Variants in IFT81 observed in about 807,000 individuals in gnomAD.
IFT81 encodes the protein intraflagellar transport 81, also known as intraflagellar transport protein 81 homolog.
In IFT81, 72 loss-of-function variants were observed where a neutral mutation model predicts 102.6. The ratio of observed to expected loss-of-function variants is 0.70; its 90% CI spans 0.58 to 0.85. IFT81 has a LOEUF of 0.85. Among genes scored for constraint, IFT81 ranks in the 40% least tolerant of loss-of-function variants. The pLI is 0.00. For synonymous variants in IFT81, 237 were observed against 242.7 expected (o/e 0.98, Z 0.22); for missense variants, 723 against 787.3 (o/e 0.92, Z 0.98).
chr12:110,211,580 A>T (rs1327264465), intron 18 of IFT81, among the ~76,000 whole-genome samples: 2 of 151,872 alleles, frequency 1.3e-5, no homozygotes, highest in East Asian at 3.9e-4. Context: ...AACATACCAT[A>T]TTCCTCCGAC....
chr12:110,185,225 G>C (rs1303645411), intron 12 of IFT81, among the ~76,000 whole-genome samples: 1 of 151,714 alleles, frequency 6.6e-6, no homozygotes, highest in African/African-American at 2.4e-5. Context: ...TCTCTCTGTT[G>C]CCCAAGCTGG....
At chr12:110,211,611 C>G (rs1869448564) in intron 18 of IFT81, among the ~76,000 whole-genome samples, 2 of 151,746 alleles carry the variant, frequency 1.3e-5, no homozygotes, top group Admixed American at 1.3e-4. Context: ...GAAATAAACC[C>G]CTGTAACTGA....
At chr12:110,207,515 CTCT>C (rs1191114833) in intron 17 of IFT81, among the ~76,000 whole-genome samples, 2 of 149,802 alleles carry the variant, frequency 1.3e-5, no homozygotes, top group Non-Finnish European at 3.0e-5. Context: ...CAAAAACAGT[CTCT>C]TCTTTGTTCT....
chr12:110,144,035 G>T, intron 9 of IFT81, among the ~76,000 whole-genome samples: 1 of 119,556 alleles, frequency 8.4e-6, no homozygotes, highest in South Asian at 2.6e-4. Flanking sequence ...TTTTGAGACA[G>T]TACTTGCTCT....
chr12:110,124,971 A>G (rs1425102679), intron 1 of IFT81, 110 bp downstream of exon 1: 1 of 152,238 alleles, frequency 6.6e-6, no homozygotes, highest in Admixed American at 6.5e-5. Flanking sequence ...CTTCCTGTTC[A>G]GTACATCTTT....
At chr12:110,207,034 A>ATT (rs776646818) in intron 17 of IFT81, among the ~76,000 whole-genome samples, 14 of 146,596 alleles carry the variant, frequency 9.6e-5, no homozygotes, top group Non-Finnish European at 9.1e-5. Context: ...TTCTAGCCAG[A>ATT]TTTTTTTTTT....
In IFT81 at chr12:110,127,431, T is replaced by A. The variant is rs776524418; in HGVS notation, c.51T>A (p.Phe17Leu). Residue 17 changes from phenylalanine (F) to leucine (L), a missense_variant, in exon 2 of 19, where the codon TTT (phenylalanine) becomes TTA (leucine). Physicochemically the swap from Phe to Leu is conservative, Grantham distance 22. Transcript: ENST00000242591. ...FIMDSLNKEP[F>L]RKNYNLITFD... The stretch of plus-strand genomic sequence containing the variant: ...TGGACAGTCTCAATAAGGAGCCCTT[T>A]AGGAAGAACTATAATTTAATCACGT... The A allele has an allele frequency of 6.2e-7, 1 of 1,607,128 alleles. No individual in the cohort carries two copies. Among genetic ancestry groups the A allele is most frequent in the Non-Finnish European group, 8.5e-7 (1 of 1,176,940 alleles).
chr12:110,197,874 G>T (rs1489062138), intron 14 of IFT81, among the ~76,000 whole-genome samples: 1 of 151,722 alleles, frequency 6.6e-6, no homozygotes, highest in Non-Finnish European at 1.5e-5. Flanking sequence ...CACCACACCC[G>T]GCTAATTTTG....
chr12:110,172,755 C>T (rs1896804212), intron 11 of IFT81, among the ~76,000 whole-genome samples: 1 of 152,294 alleles, frequency 6.6e-6, no homozygotes, highest in South Asian at 2.1e-4. Flanking sequence ...ACCCCCCAGC[C>T]GCCTGCCTTG....
At chr12:110,161,838 A>G (rs528951540) in intron 10 of IFT81, among the ~76,000 whole-genome samples, 1 of 152,302 alleles carries the variant, frequency 6.6e-6, no homozygotes, top group South Asian at 2.1e-4. Flanking sequence ...TAAAAAAAGG[A>G]CAATAGAATT....
At chr12:110,205,166 G>A (rs909169013) in intron 15 of IFT81, 5 of 195,064 alleles carry the variant, frequency 2.6e-5, no homozygotes, top group African/African-American at 1.2e-4. Flanking sequence ...CCTGCGAGGA[G>A]GAGGTTGCAG....
chr12:110,163,764 C>A (rs567312990), intron 11 of IFT81, among the ~76,000 whole-genome samples: 2 of 151,714 alleles, frequency 1.3e-5, no homozygotes, highest in East Asian at 1.9e-4. Flanking sequence ...TACAGGTGGA[C>A]GTCACCAGGC....
intron 1 of IFT81, among the ~76,000 whole-genome samples, 164 bp downstream of exon 1, chr12:110,125,025 G>C (rs1893746588): frequency 1.3e-5 from 2 of 152,174 alleles, no homozygotes; most frequent in Non-Finnish European, 1.5e-5. Flanking sequence ...GGGCGACTTG[G>C]GGGGAACCCA....
chr12:110,143,646 A>AAATTAAC, intron 9 of IFT81, 101 bp downstream of exon 9: 1 of 922,504 alleles, frequency 1.1e-6, no homozygotes, highest in Non-Finnish European at 1.6e-6. Context: ...ATTGACTCTT[A>AAATTAAC]AATTAACCTG....
At chr12:110,196,727 TTC>T (rs1398552621) in intron 14 of IFT81, among the ~76,000 whole-genome samples, 2 of 152,216 alleles carry the variant, frequency 1.3e-5, no homozygotes, top group Admixed American at 1.3e-4. Context: ...GAATTTTATG[TTC>T]TGTCTTTATT....
At chr12:110,173,373 C>A (rs1294562147) in intron 11 of IFT81, among the ~76,000 whole-genome samples, 1 of 151,114 alleles carries the variant, frequency 6.6e-6, no homozygotes, top group South Asian at 2.1e-4. Context: ...CCAGCCGCCT[C>A]GTCCGGGAGG....
intron 13 of IFT81, 122 bp downstream of exon 13, chr12:110,191,170 T>C: frequency 3.0e-6 from 2 of 676,364 alleles, no homozygotes; most frequent in Non-Finnish European, 4.2e-6. Context: ...TCTTTCATCT[T>C]TTTTTTTTTT....
chr12:110,204,120 ACTCT>A, intron 15 of IFT81, 170 bp downstream of exon 15: 2 of 523,644 alleles, frequency 3.8e-6, no homozygotes, highest in South Asian at 5.4e-5. Context: ...ACAGAGCAAG[ACTCT>A]CTCTCTAAAA....
intron 14 of IFT81, among the ~76,000 whole-genome samples, chr12:110,193,244 A>T (rs1279892409): frequency 6.6e-6 from 1 of 152,138 alleles, no homozygotes; most frequent in Non-Finnish European, 1.5e-5. Flanking sequence ...TTGGAGGCAG[A>T]GGAGATGGAG....
Sources: gnomAD v4.1 joint callset for allele counts (sites outside exome capture counted in the v4.1 genomes callset) on GRCh38, gnomAD v4.1.1 for gene constraint, MANE v1.5 for transcripts, NCBI Gene and HGNC (gene_info 2026-07-23, HGNC 2026-07-21) for gene names.